The following GRID2 variants were observed in gnomAD, a reference collection of about 807,000 sequenced individuals.
The protein encoded by GRID2 is glutamate ionotropic receptor delta type subunit 2.
GRID2 carries 33 observed loss-of-function variants against 114.8 expected under a neutral mutation model. The ratio of observed to expected loss-of-function variants is 0.29; its 90% CI spans 0.22 to 0.38. GRID2 has a LOEUF of 0.38. Ranked by LOEUF, GRID2 falls within the 10% of genes least tolerant of loss-of-function variation. The probability of loss-of-function intolerance (pLI) is 1.00; values close to 1 mark genes in which losing one functional copy is unlikely to be tolerated. For missense variants in GRID2, 1,184 were observed against 1,257.7 expected (o/e 0.94, Z 0.89); for synonymous variants, 505 against 449.9 (o/e 1.12, Z -1.55).
rs1050344029 is a variant in GRID2 at position 93,398,472 on chromosome 4, T to C, written c.1347+2764T>C. On this transcript the variant is annotated intron_variant, in intron 9 of 15. Coordinates refer to ENST00000282020, the MANE Select transcript of GRID2 (RefSeq NM_001510.4). ...ATAAGTGTGAGAACTGAGGTGTCTA[T>C]AGAATTTTGTTTGACTTGAGAGTTG... 3.3e-5 allele frequency among the ~76,000 whole-genome samples: 5 copies of C among 151,844 alleles called. No homozygotes were observed. The South Asian group carries it at 1.0e-3, about 32-fold the overall frequency.
intron 5 of GRID2, among the ~76,000 whole-genome samples, chr4:93,216,248 A>G (rs1447469629): frequency 5.3e-5 from 8 of 151,740 alleles, no homozygotes; most frequent in African/African-American, 1.7e-4. Flanking sequence ...CAAATTTTTC[A>G]TTGCTAATTA....
At chr4:93,187,828 C>T (rs1344407300) in intron 4 of GRID2, among the ~76,000 whole-genome samples, 1 of 152,176 alleles carries the variant, frequency 6.6e-6, no homozygotes, top group Admixed American at 6.5e-5. Flanking sequence ...TAACTTGTCC[C>T]AAGTCCAAAA....
At chr4:93,510,709 G>A (rs1041699144) in intron 12 of GRID2, among the ~76,000 whole-genome samples, 9 of 152,038 alleles carry the variant, frequency 5.9e-5, no homozygotes, top group East Asian at 5.8e-4. Flanking sequence ...TCTGCCAGGG[G>A]GGAAAAATTC....
chr4:93,102,493 C>T (rs958941094), intron 3 of GRID2, among the ~76,000 whole-genome samples: 1 of 151,988 alleles, frequency 6.6e-6, no homozygotes, highest in Admixed American at 6.6e-5. Flanking sequence ...ATGGGCTCCA[C>T]TGCATACTGA....
intron 13 of GRID2, among the ~76,000 whole-genome samples, chr4:93,585,042 T>G (rs1737389667): frequency 1.3e-5 from 2 of 152,146 alleles, no homozygotes. Context: ...GTTATCATTC[T>G]TTGGCCCTCC....
At chr4:92,920,751 C>G (rs1749248875) in intron 2 of GRID2, among the ~76,000 whole-genome samples, 1 of 152,184 alleles carries the variant, frequency 6.6e-6, no homozygotes, top group African/African-American at 2.4e-5. Flanking sequence ...TTGTGGGTAA[C>G]TCGACCTTTC....
chr4:93,588,350 A>AAATGT (rs1400641969), intron 13 of GRID2, among the ~76,000 whole-genome samples: 4 of 152,166 alleles, frequency 2.6e-5, no homozygotes, highest in Non-Finnish European at 4.4e-5. Context: ...ATTATGTTGT[A>AAATGT]AATGTTTTCC....
Position 93,515,375 on chromosome 4 carries a change from G to A in GRID2, c.2157G>A (p.Glu719=). Residue 719 remains glutamate, a synonymous_variant, in exon 13 of 16, where the codon GAG becomes GAA. Coordinates refer to ENST00000282020, the MANE Select transcript of GRID2 (RefSeq NM_001510.4). ...WRMINRSNGS[E]NNVLESQAGI... is the part of the protein sequence containing the mutation. ...TGATCAACCGAAGCAATGGATCGGA[G>A]AACAATGTTCTGGAGTCCCAGGCAG... 6.2e-7 allele frequency: 1 copy of A among 1,612,942 alleles called. No homozygotes were observed.
At chr4:93,762,452 A>G (rs539952349) in intron 14 of GRID2, among the ~76,000 whole-genome samples, 156 of 152,328 alleles carry the variant, frequency 1.0e-3, no homozygotes, top group African/African-American at 3.5e-3. Flanking sequence ...CTTGTATCAT[A>G]GAGTTTCTGG....
chr4:93,145,553 C>G (rs1184146972), intron 4 of GRID2, among the ~76,000 whole-genome samples: 1 of 149,658 alleles, frequency 6.7e-6, no homozygotes, highest in Non-Finnish European at 1.5e-5. Flanking sequence ...CCTCCATCTC[C>G]CAAGTTCAAG....
At chr4:93,702,814 T>C (rs1727628547) in intron 14 of GRID2, among the ~76,000 whole-genome samples, 1 of 152,170 alleles carries the variant, frequency 6.6e-6, no homozygotes, top group Non-Finnish European at 1.5e-5. Context: ...TAAAACTCTC[T>C]GTCTAAATGC....
intron 8 of GRID2, among the ~76,000 whole-genome samples, chr4:93,264,708 T>TTATATATATA: frequency 4.5e-5 from 2 of 44,008 alleles, no homozygotes; most frequent in East Asian, 4.9e-4. Flanking sequence ...GAGTTTTGAA[T>TTATATATATA]GATATATATA....
At chr4:93,503,695 G>A (rs1578142500) in intron 12 of GRID2, among the ~76,000 whole-genome samples, 1 of 151,974 alleles carries the variant, frequency 6.6e-6, no homozygotes, top group East Asian at 1.9e-4. Context: ...TTTTAAAAAA[G>A]TGATCCAATT....
intron 4 of GRID2, among the ~76,000 whole-genome samples, chr4:93,157,758 A>C (rs1427418389): frequency 6.6e-6 from 1 of 151,684 alleles, no homozygotes; most frequent in African/African-American, 2.4e-5. Flanking sequence ...AGACTTGCTG[A>C]ACTCTCATGC....
intron 2 of GRID2, among the ~76,000 whole-genome samples, chr4:92,897,244 C>T (rs202053459): frequency 4.2e-5 from 6 of 144,484 alleles, no homozygotes; most frequent in South Asian, 2.2e-4. Context: ...TCTCTGTTTT[C>T]CCCAAACAAA....
At chr4:93,246,830 T>A (rs948916258) in intron 8 of GRID2, among the ~76,000 whole-genome samples, 1 of 152,172 alleles carries the variant, frequency 6.6e-6, no homozygotes, top group Non-Finnish European at 1.5e-5. Flanking sequence ...TCAAAATCAT[T>A]GATCCCAGCA....
At chr4:92,987,605 A>T (rs1754589822) in intron 2 of GRID2, among the ~76,000 whole-genome samples, 2 of 152,010 alleles carry the variant, frequency 1.3e-5, no homozygotes, top group Admixed American at 6.6e-5. Flanking sequence ...AAAAAAAAAT[A>T]AAAATAAGAA....
chr4:93,423,184 C>T (rs1768473293), intron 10 of GRID2, among the ~76,000 whole-genome samples: 1 of 151,912 alleles, frequency 6.6e-6, no homozygotes, highest in Non-Finnish European at 1.5e-5. Context: ...ACAAAATAAA[C>T]CTAAATGTTA....
At chr4:93,711,950 T>C (rs1233100533) in intron 14 of GRID2, among the ~76,000 whole-genome samples, 1 of 152,222 alleles carries the variant, frequency 6.6e-6, no homozygotes, top group Non-Finnish European at 1.5e-5. Context: ...GGACAGTTGC[T>C]GGAAGGTTCT....
Sources: allele counts gnomAD v4.1 joint callset (sites outside exome capture counted in the v4.1 genomes callset), GRCh38; gene constraint gnomAD v4.1.1; transcripts MANE v1.5; gene names NCBI Gene and HGNC (gene_info 2026-07-23, HGNC 2026-07-21).